Variants in LRRTM4 observed in about 807,000 individuals in gnomAD.
LRRTM4 encodes the protein leucine rich repeat transmembrane neuronal 4.
In LRRTM4, 25 loss-of-function variants were observed where a neutral mutation model predicts 47.6. The observed-to-expected ratio is 0.53, with a 90% CI of 0.38 to 0.73. The LOEUF is 0.73. Ranked by LOEUF, LRRTM4 falls within the 30% of genes least tolerant of loss-of-function variation. The probability of loss-of-function intolerance (pLI) is 0.00; values close to 1 mark genes in which losing one functional copy is unlikely to be tolerated. For synonymous variants in LRRTM4, 311 were observed against 269.5 expected (o/e 1.15, Z -1.51); for missense variants, 638 against 713.4 (o/e 0.89, Z 1.20).
intron 3 of LRRTM4, among the ~76,000 whole-genome samples, chr2:76,752,572 A>G (rs186420212): frequency 7.6e-4 from 116 of 152,302 alleles, no homozygotes; most frequent in African/African-American, 2.5e-3. Context: ...GCAAGAATTC[A>G]AAAGCCAAGT....
chr2:77,477,881 GAGAA>G (rs1323920429), intron 3 of LRRTM4, among the ~76,000 whole-genome samples: 3 of 97,846 alleles, frequency 3.1e-5, no homozygotes, highest in Admixed American at 1.2e-4. Context: ...AAGAAAGAAA[GAGAA>G]AGAAAGAAAA....
In LRRTM4 at chr2:77,517,686, A is replaced by T. The variant is rs560127871; in HGVS notation, c.1551+632T>A. ...AGGAAGGAGTGAAAGAAAGTAGGAA[A>T]GAAGGAAACAAAAAAAAAAAAAGAA... On this transcript the variant is annotated intron_variant, in intron 3 of 3. Transcript: ENST00000409884. 4.4e-5 allele frequency: 42 copies of T among 944,450 alleles called. No individual in the cohort carries two copies. In the South Asian group the frequency reaches 1.7e-3, roughly 38 times the overall value. The allele number at this position is 944,450 out of a possible 1,614,324, so 58.5% of individuals were successfully genotyped here.
At chr2:77,113,511 A>C (rs1382520797) in intron 3 of LRRTM4, among the ~76,000 whole-genome samples, 1 of 152,178 alleles carries the variant, frequency 6.6e-6, no homozygotes, top group Non-Finnish European at 1.5e-5. Flanking sequence ...TTGGCGTAAT[A>C]AGAGTTGCAT....
intron 3 of LRRTM4, among the ~76,000 whole-genome samples, chr2:76,813,151 C>A (rs1013054451): frequency 1.3e-5 from 2 of 151,696 alleles, no homozygotes; most frequent in Non-Finnish European, 2.9e-5. Flanking sequence ...GCAACAAGAG[C>A]GAAACTCTGT....
At chr2:77,401,392 G>T (rs1460068877) in intron 3 of LRRTM4, among the ~76,000 whole-genome samples, 2 of 151,894 alleles carry the variant, frequency 1.3e-5, no homozygotes, top group Non-Finnish European at 2.9e-5. Flanking sequence ...ATTTAAAATT[G>T]CATCCCTGTT....
chr2:77,173,477 T>C (rs1420095970), intron 3 of LRRTM4, among the ~76,000 whole-genome samples: 1 of 152,158 alleles, frequency 6.6e-6, no homozygotes, highest in East Asian at 1.9e-4. Context: ...ACTTTAAAAA[T>C]GGAAGTTACC....
intron 3 of LRRTM4, among the ~76,000 whole-genome samples, chr2:77,199,014 T>C (rs575510442): frequency 6.0e-4 from 91 of 152,288 alleles, no homozygotes; most frequent in African/African-American, 2.2e-3. Context: ...AACTTCTGAA[T>C]TCCTCTGTGT....
At chr2:77,011,256 C>A (rs1677861786) in intron 3 of LRRTM4, among the ~76,000 whole-genome samples, 1 of 152,054 alleles carries the variant, frequency 6.6e-6, no homozygotes, top group African/African-American at 2.4e-5. Flanking sequence ...AGATCATTTA[C>A]ATTCTTGTTT....
intron 3 of LRRTM4, among the ~76,000 whole-genome samples, chr2:77,382,844 G>A (rs290032): frequency 0.32 from 49,075 of 151,812 alleles, 8,920 homozygotes; most frequent in East Asian, 0.53. Flanking sequence ...ACCTGAAAAT[G>A]GGCCGGTTGG....
intron 3 of LRRTM4, among the ~76,000 whole-genome samples, chr2:76,801,458 G>C: frequency 6.6e-6 from 1 of 152,014 alleles, no homozygotes; most frequent in Non-Finnish European, 1.5e-5. Flanking sequence ...GGTGGGAATT[G>C]AACAATGAGA....
chr2:77,196,913 TTA>T (rs1463052013), intron 3 of LRRTM4, among the ~76,000 whole-genome samples: 3 of 152,124 alleles, frequency 2.0e-5, no homozygotes, highest in African/African-American at 7.2e-5. Flanking sequence ...TAGCACCATG[TTA>T]TGTTTTTTTA....
intron 3 of LRRTM4, among the ~76,000 whole-genome samples, chr2:76,784,654 A>C (rs967581941): frequency 1.3e-5 from 2 of 152,074 alleles, no homozygotes; most frequent in South Asian, 4.1e-4. Flanking sequence ...GATCAATGTA[A>C]TGTTCTCTTT....
intron 3 of LRRTM4, among the ~76,000 whole-genome samples, chr2:77,086,685 G>C (rs1424227176): frequency 1.3e-5 from 2 of 151,782 alleles, no homozygotes; most frequent in Non-Finnish European, 2.9e-5. Flanking sequence ...AGTAGAGACG[G>C]GGTTTCACCA....
At chr2:76,935,548 C>T (rs533781709) in intron 3 of LRRTM4, among the ~76,000 whole-genome samples, 45 of 152,150 alleles carry the variant, frequency 3.0e-4, no homozygotes, top group African/African-American at 9.6e-4. Context: ...TTGTAGTTCT[C>T]CTTGAAAAGG....
In LRRTM4 at chr2:76,839,835, AAAAG is replaced by A. The variant is rs781744686; in HGVS notation, c.1552-90923_1552-90920del. Reference sequence around the variant, plus strand: ...ATGGTAAATCTTGTAAAAATGCATAAAAAGAAAGTATTTGTTCCTTGGGTATGAG... The same window carrying A: ...ATGGTAAATCTTGTAAAAATGCATAAAAAGTATTTGTTCCTTGGGTATGAG... On this transcript the variant is annotated intron_variant, in intron 3 of 3. Coordinates refer to ENST00000409884, the MANE Select transcript of LRRTM4 (RefSeq NM_001134745.3). Among the ~76,000 whole-genome samples, 142 of 152,258 alleles carry A rather than the reference AAAAG, an allele frequency of 9.3e-4. 2 individuals are homozygous for A. The highest frequency in any genetic ancestry group is 7.2e-4 in the Non-Finnish European group (49 of 68,008).
chr2:77,190,046 T>C (rs994698378), intron 3 of LRRTM4, among the ~76,000 whole-genome samples: 1 of 152,124 alleles, frequency 6.6e-6, no homozygotes, highest in African/African-American at 2.4e-5. Context: ...TTAAGTGCTA[T>C]TTATGCCTAA....
At chr2:76,970,730 A>C (rs1281878840) in intron 3 of LRRTM4, among the ~76,000 whole-genome samples, 1 of 152,048 alleles carries the variant, frequency 6.6e-6, no homozygotes, top group African/African-American at 2.4e-5. Context: ...GTAGCAATGT[A>C]ATTAGATTTC....
intron 3 of LRRTM4, among the ~76,000 whole-genome samples, chr2:77,320,489 T>C (rs898892898): frequency 6.6e-6 from 1 of 152,192 alleles, no homozygotes; most frequent in African/African-American, 2.4e-5. Context: ...ATAAAAATAC[T>C]GCCTAGTGTT....
intron 3 of LRRTM4, among the ~76,000 whole-genome samples, chr2:77,155,272 T>G (rs933069952): frequency 6.6e-6 from 1 of 151,656 alleles, no homozygotes; most frequent in Non-Finnish European, 1.5e-5. Flanking sequence ...AATGAAGGAT[T>G]TTTTTCCTTA....
Sources: gnomAD v4.1 joint callset for allele counts (sites outside exome capture counted in the v4.1 genomes callset) on GRCh38, gnomAD v4.1.1 for gene constraint, MANE v1.5 for transcripts, NCBI Gene and HGNC (gene_info 2026-07-23, HGNC 2026-07-21) for gene names.